Variants in DNAH14 observed in about 807,000 individuals in gnomAD.
DNAH14 encodes dynein axonemal heavy chain 14.
A neutral mutation model predicts 520.9 loss-of-function variants in DNAH14; 478 were observed. The observed-to-expected ratio is 0.92, with a 90% CI of 0.85 to 0.99. The LOEUF (loss-of-function observed/expected upper bound fraction) is 0.99, where lower values mean the gene tolerates loss of function less well. DNAH14 is among the 50% of genes least tolerant of loss of function. The pLI, the probability that DNAH14 is intolerant of heterozygous loss-of-function variation, is 0.00. For synonymous variants in DNAH14, 1,581 were observed against 1,757.2 expected (o/e 0.90, Z 2.51); for missense variants, 4,831 against 5,234.5 (o/e 0.92, Z 2.38).
Position 224,996,738 on chromosome 1 carries a change from C to A in DNAH14, c.831-6045C>A, listed in dbSNP as rs1021257541. Among the ~76,000 whole-genome samples the A allele has an allele frequency of 3.3e-5, 5 of 152,108 alleles. 1 individual carries two copies. Among genetic ancestry groups the A allele is most frequent in the Admixed American group, 3.3e-4 (5 of 15,270 alleles). On this transcript the variant is annotated intron_variant, in intron 8 of 85. Coordinates refer to ENST00000682510, the MANE Select transcript of DNAH14 (RefSeq NM_001367479.1). Reference sequence around the variant, plus strand: ...CATATATTCCCCTGGCCTAATGGTACCACTGATTGAGTTCTGCAGTTGGAT... The same window carrying A: ...CATATATTCCCCTGGCCTAATGGTAACACTGATTGAGTTCTGCAGTTGGAT...
chr1:225,260,892 G>A (rs1367469025), intron 46 of DNAH14, among the ~76,000 whole-genome samples: 1 of 151,814 alleles, frequency 6.6e-6, no homozygotes, highest in Non-Finnish European at 1.5e-5. Flanking sequence ...CTCTTTTAAT[G>A]GTCTTTTTTA....
chr1:225,206,565 A>G (rs1003151473), intron 40 of DNAH14, among the ~76,000 whole-genome samples: 4 of 152,232 alleles, frequency 2.6e-5, no homozygotes, highest in Non-Finnish European at 5.9e-5. Context: ...AGTACAAAAT[A>G]TAACATGAAG....
intron 42 of DNAH14, among the ~76,000 whole-genome samples, chr1:225,235,156 A>G (rs1383265791): frequency 6.6e-6 from 1 of 152,152 alleles, no homozygotes; most frequent in Admixed American, 6.5e-5. Context: ...GCTTTTGCCC[A>G]TTCAGTATGA....
chr1:225,134,920 A>C (rs961139646), intron 27 of DNAH14, among the ~76,000 whole-genome samples: 1 of 152,052 alleles, frequency 6.6e-6, no homozygotes, highest in African/African-American at 2.4e-5. Flanking sequence ...TGGTCTATTC[A>C]GGGATTTGAT....
chr1:225,058,237 C>T (rs1340420515), intron 17 of DNAH14, among the ~76,000 whole-genome samples: 1 of 152,154 alleles, frequency 6.6e-6, no homozygotes. Context: ...AGAGATTCAA[C>T]TTCTTCCTGG....
Position 225,340,484 on chromosome 1 carries a change from C to A in DNAH14, c.10461C>A (p.Asn3487Lys), listed in dbSNP as rs993726103. The A allele has an allele frequency of 1.6e-5, 25 of 1,550,680 alleles. No homozygotes were observed. The highest frequency in any genetic ancestry group is 3.3e-4 in the Middle Eastern group (2 of 5,986). Residue 3487 changes from asparagine (N) to lysine (K), a missense_variant, in exon 69 of 86, where the codon AAC becomes AAA. Physicochemically the swap from Asn to Lys is moderately conservative, Grantham distance 94. Transcript: ENST00000682510. ...TATACTTATCTACAGAAATAGACAACCCCCATTTTCTTCCATCAGTTTATA... is the reference window on the plus strand; with the variant it reads ...TATACTTATCTACAGAAATAGACAAACCCCATTTTCTTCCATCAGTTTATA... The part of the protein sequence containing the change: ...FRLYLSTEID[N>K]PHFLPSVYNF...
chr1:225,076,744 T>C (rs1359050602), intron 17 of DNAH14, among the ~76,000 whole-genome samples: 1 of 152,196 alleles, frequency 6.6e-6, no homozygotes, highest in Non-Finnish European at 1.5e-5. Context: ...GGTGTATTTA[T>C]ATTTCCTGAG....
Position 225,270,768 on chromosome 1 carries a change from G to C in DNAH14, c.7573G>C (p.Val2525Leu). Residue 2525 changes from valine to leucine, a missense_variant, in exon 50 of 86, where the codon GTT becomes CTT. Physicochemically the swap from Val to Leu is conservative, Grantham distance 32. Transcript: ENST00000682510. ...AGATCTGTCTATAGTTGCAGCTTGT[G>C]TTCCAGTTGTGAATGATATCAGCCC... ...IQDLSIVAAC[V>L]PVVNDISPRL... The C allele has an allele frequency of 3.2e-6, 5 of 1,551,274 alleles. No individual in the cohort carries two copies. Among genetic ancestry groups the C allele is most frequent in the Non-Finnish European group, 4.4e-6 (5 of 1,146,786 alleles).
chr1:225,180,781 G>T (rs147722674), intron 36 of DNAH14, among the ~76,000 whole-genome samples: 1 of 152,272 alleles, frequency 6.6e-6, no homozygotes, highest in Non-Finnish European at 1.5e-5. Context: ...CTCACTGGTT[G>T]TTCTGATGGA....
chr1:225,291,031 T>TC (rs932429174), intron 55 of DNAH14, among the ~76,000 whole-genome samples: 3 of 152,002 alleles, frequency 2.0e-5, no homozygotes, highest in African/African-American at 7.2e-5. Context: ...TCTCTCCCTT[T>TC]CCCCTACCTT....
At chr1:224,948,142 G>A (rs1006613474) in intron 1 of DNAH14, among the ~76,000 whole-genome samples, 1 of 151,792 alleles carries the variant, frequency 6.6e-6, no homozygotes, top group African/African-American at 2.4e-5. Context: ...AAATAAGTTT[G>A]TTAAAATGCC....
Position 225,258,573 on chromosome 1 carries a change from C to T in DNAH14, c.7024+455C>T, listed in dbSNP as rs58766078. Among the ~76,000 whole-genome samples the T allele has an allele frequency of 5.0e-3, 760 of 152,214 alleles. 6 individuals carry two copies. The highest frequency in any genetic ancestry group is 0.017 in the African/African-American group (717 of 41,540). On this transcript the variant is annotated intron_variant, in intron 45 of 85. Transcript: ENST00000682510. ...ATTTCAACCCATCAGTTACCTTTTCCAATTATCTAACTTGTGTTGCATAGC... is the reference window on the plus strand; with the variant it reads ...ATTTCAACCCATCAGTTACCTTTTCTAATTATCTAACTTGTGTTGCATAGC...
intron 80 of DNAH14, 66 bp downstream of exon 80, chr1:225,380,388 G>A: frequency 6.8e-7 from 1 of 1,466,532 alleles, no homozygotes. Flanking sequence ...CTGGTGTCAG[G>A]AGTAAGGTAA....
intron 81 of DNAH14, among the ~76,000 whole-genome samples, chr1:225,386,111 C>A (rs1458146870): frequency 6.6e-6 from 1 of 152,060 alleles, no homozygotes; most frequent in East Asian, 1.9e-4. Context: ...AGAAACCGGA[C>A]AAAAACAAGC....
intron 28 of DNAH14, 52 bp downstream of exon 28, chr1:225,141,073 T>C: frequency 7.0e-7 from 1 of 1,429,700 alleles, no homozygotes; most frequent in Non-Finnish European, 9.3e-7. Flanking sequence ...CAAATATATC[T>C]TTAGGTAAAT....
intron 46 of DNAH14, among the ~76,000 whole-genome samples, chr1:225,259,698 C>T (rs531369240): frequency 7.5e-4 from 114 of 152,246 alleles, no homozygotes; most frequent in African/African-American, 2.4e-3. Context: ...ACCCTTTGAC[C>T]AACATCTCCC....
rs71170051 is a variant in DNAH14 at position 225,049,047 on chromosome 1, A to ATTTTTTT, written c.1913-1139_1913-1133dup. ...AAATGTCTTTTTAGATCTCTTGCCT[A>ATTTTTTT]TTTTTTTTTTTTTTTTTTTTTTTTT... is the stretch of plus-strand genomic sequence containing the variant. On this transcript the variant is annotated intron_variant, in intron 15 of 85. Transcript: ENST00000682510. Among the ~76,000 whole-genome samples the ATTTTTTT allele has an allele frequency of 1.8e-4, 10 of 56,304 alleles. 2 individuals carry two copies. The highest frequency in any genetic ancestry group is 8.3e-4 in the African/African-American group (10 of 12,088). 36.9% of individuals were successfully genotyped at this position (56,304 alleles called of 152,430 possible). A position where few individuals can be genotyped will look rare whatever the true frequency, so the allele number is the denominator to read the frequency against.
At chr1:225,319,783 T>A (rs531131521) in intron 61 of DNAH14, among the ~76,000 whole-genome samples, 1 of 152,108 alleles carries the variant, frequency 6.6e-6, no homozygotes, top group Non-Finnish European at 1.5e-5. Flanking sequence ...TGAGGTGACA[T>A]TGGAGCAGAG....
chr1:225,101,894 CT>C (rs58340205), intron 23 of DNAH14, among the ~76,000 whole-genome samples: 13,969 of 143,968 alleles, frequency 0.097, 1,877 homozygotes, highest in African/African-American at 0.31. Context: ...ATTGCTGAAT[CT>C]TTTTTTTTTT....
Sources: allele counts gnomAD v4.1 joint callset (sites outside exome capture counted in the v4.1 genomes callset), GRCh38; gene constraint gnomAD v4.1.1; transcripts MANE v1.5; gene names NCBI Gene and HGNC (gene_info 2026-07-23, HGNC 2026-07-21).